Variants in DCTN4 observed in about 807,000 individuals in gnomAD.
DCTN4 encodes the protein dynactin subunit 4.
Under a neutral mutation model 62.7 loss-of-function variants are expected in DCTN4, and 23 were observed. The ratio of observed to expected loss-of-function variants is 0.37; its 90% CI spans 0.26 to 0.52. DCTN4 has a LOEUF of 0.52. Ranked by LOEUF, DCTN4 falls within the 20% of genes least tolerant of loss-of-function variation. The pLI is 0.92. For synonymous variants in DCTN4, 199 were observed against 202.1 expected (o/e 0.98, Z 0.13); for missense variants, 514 against 580.4 (o/e 0.89, Z 1.18).
At position 150,731,111 on chromosome 5, in the gene DCTN4, A is replaced by G. The variant is rs746746438; in HGVS notation, c.657T>C (p.Ala219=). ...EDQKEIKIEP[A]QAVDEVEPLP... is the part of the protein sequence containing the mutation. ...GAGGTTCCACTTCATCCACAGCCTGAGCTGGCTCAATCTTTATCTCTTTCT... is the reference window on the plus strand; with the variant it reads ...GAGGTTCCACTTCATCCACAGCCTGGGCTGGCTCAATCTTTATCTCTTTCT... The change falls in exon 7 of 13, where the codon GCT becomes GCC. Residue 219 remains alanine (A), a synonymous_variant. Coordinates refer to ENST00000447998, the MANE Select transcript of DCTN4 (RefSeq NM_016221.4). 2 of 1,613,460 alleles carry G rather than the reference A, an allele frequency of 1.2e-6. No individual in the cohort carries two copies. Among genetic ancestry groups the G allele is most frequent in the South Asian group, 2.2e-5 (2 of 91,060 alleles).
At chr5:150,731,283 T>G in intron 6 of DCTN4, 127 bp from the exon 7 acceptor site, 1 of 976,612 alleles carries the variant, frequency 1.0e-6, no homozygotes, top group Non-Finnish European at 1.6e-6. Flanking sequence ...CTGTATAGCG[T>G]AGGTCTTTTC....
intron 4 of DCTN4, 112 bp from the exon 5 acceptor site, chr5:150,733,587 G>T: frequency 1.6e-6 from 1 of 642,654 alleles, no homozygotes; most frequent in South Asian, 2.8e-5. Context: ...TTATTAAGAT[G>T]GGCAAGTTTG....
At chr5:150,739,592 A>G (rs1296987326) in intron 4 of DCTN4, among the ~76,000 whole-genome samples, 2 of 152,208 alleles carry the variant, frequency 1.3e-5, no homozygotes, top group East Asian at 3.8e-4. Context: ...TAAAATTCAC[A>G]TGGAACCAAA....
At chr5:150,742,228 T>C in intron 3 of DCTN4, 71 bp from the exon 4 acceptor site, 1 of 1,470,020 alleles carries the variant, frequency 6.8e-7, no homozygotes, top group Non-Finnish European at 9.5e-7. Flanking sequence ...ACAAGTCTTC[T>C]GTAGGCCATA....
At chr5:150,715,781 C>CT (rs1759736895) in intron 11 of DCTN4, 119 bp from the exon 12 acceptor site, 11 of 737,632 alleles carry the variant, frequency 1.5e-5, no homozygotes. Flanking sequence ...ACATATACTA[C>CT]TTCTATGGAG....
chr5:150,711,190 T>C lies in DCTN4; in HGVS notation c.1342A>G (p.Thr448Ala). Residue 448 changes from threonine (T) to alanine (A), a missense_variant, in exon 13 of 13, where the codon ACC becomes GCC. Physicochemically the swap from Thr to Ala is moderately conservative, Grantham distance 58. Coordinates refer to ENST00000447998, the MANE Select transcript of DCTN4 (RefSeq NM_016221.4). ...CCCAAGCTAAGTTCCACATGCTGGG[T>C]GAGCCAGATGACTTCTGTTCCCTGG... ...SDQGTEVIWL[T>A]QHVELSLGPL... The C allele has an allele frequency of 6.2e-7, 1 of 1,612,450 alleles. No individual in the cohort carries two copies. Among genetic ancestry groups the C allele is most frequent in the Non-Finnish European group, 8.5e-7 (1 of 1,180,040 alleles).
intron 9 of DCTN4, among the ~76,000 whole-genome samples, chr5:150,720,565 A>AC (rs1375734851): frequency 2.0e-5 from 3 of 150,798 alleles, no homozygotes; most frequent in Non-Finnish European, 2.9e-5. Context: ...TGAAGCCTCG[A>AC]CCCCCCAGGC....
At chr5:150,754,053 G>C (rs1220634414) in intron 2 of DCTN4, among the ~76,000 whole-genome samples, 4 of 152,214 alleles carry the variant, frequency 2.6e-5, no homozygotes, top group African/African-American at 7.2e-5. Context: ...TGTGAAACTG[G>C]ATTTGGAAAA....
chr5:150,734,215 C>T (rs1463433301), intron 4 of DCTN4: 5 of 152,152 alleles, frequency 3.3e-5, no homozygotes, highest in Admixed American at 1.3e-4. Context: ...ACTGCAGGAA[C>T]ATACTAGGAA....
At chr5:150,727,092 T>C (rs891149419) in intron 8 of DCTN4, among the ~76,000 whole-genome samples, 1 of 151,982 alleles carries the variant, frequency 6.6e-6, no homozygotes, top group Non-Finnish European at 1.5e-5. Context: ...GCGGGGAGGA[T>C]TGGCCTAACT....
At chr5:150,715,193 T>G (rs1158419882) in intron 12 of DCTN4, among the ~76,000 whole-genome samples, 2 of 152,088 alleles carry the variant, frequency 1.3e-5, no homozygotes. Flanking sequence ...CGATGATCAA[T>G]CTCTAGGGAC....
intron 3 of DCTN4, 139 bp downstream of exon 3, chr5:150,753,340 T>C (rs901607249): frequency 2.4e-5 from 16 of 671,982 alleles, no homozygotes; most frequent in Admixed American, 5.7e-5. Flanking sequence ...TGTGAACATA[T>C]GGGAACACAG....
chr5:150,716,914 T>C (rs888831648), intron 11 of DCTN4, among the ~76,000 whole-genome samples: 1 of 139,758 alleles, frequency 7.2e-6, no homozygotes, highest in Admixed American at 7.0e-5. Flanking sequence ...TGAGATTCCG[T>C]CTCAAAAAAA....
intron 8 of DCTN4, among the ~76,000 whole-genome samples, chr5:150,729,610 C>CTTT (rs61580837): frequency 0.011 from 1,536 of 141,692 alleles, 28 homozygotes; most frequent in African/African-American, 0.036. Flanking sequence ...AGAAAAAATA[C>CTTT]TTTTTTTTTT....
intron 3 of DCTN4, among the ~76,000 whole-genome samples, chr5:150,743,635 C>T (rs923589851): frequency 3.3e-5 from 5 of 152,164 alleles, no homozygotes; most frequent in African/African-American, 7.2e-5. Flanking sequence ...GCAGCATTCG[C>T]GATTCACGAA....
chr5:150,720,371 CA>C (rs1407942767), intron 9 of DCTN4, among the ~76,000 whole-genome samples: 1 of 150,632 alleles, frequency 6.6e-6, no homozygotes, highest in Non-Finnish European at 1.5e-5. Flanking sequence ...TCCTGAATCT[CA>C]AAAAAAACAC....
chr5:150,726,935 GCATCATTTTTA>G (rs1760166043), intron 8 of DCTN4, among the ~76,000 whole-genome samples: 1 of 152,140 alleles, frequency 6.6e-6, no homozygotes, highest in South Asian at 2.1e-4. Flanking sequence ...TGACCACAAA[GCATCATTTTTA>G]CATGAAAAGT....
chr5:150,716,270 T>G (rs986414486), intron 11 of DCTN4, among the ~76,000 whole-genome samples: 4 of 152,180 alleles, frequency 2.6e-5, no homozygotes, highest in African/African-American at 9.7e-5. Flanking sequence ...TCATTTTTTT[T>G]TGATACATCT....
Position 150,731,945 on chromosome 5 carries a change from C to T in DCTN4, c.538-456G>A, listed in dbSNP as rs532558292. ...AAATAGCAGCAGGTTGCAACAGAGA[C>T]AAAAAATGCAGCATAAGATAGAAGC... is the stretch of plus-strand genomic sequence containing the variant. On this transcript the variant is annotated intron_variant, in intron 5 of 12. Coordinates refer to ENST00000447998, the MANE Select transcript of DCTN4 (RefSeq NM_016221.4). The T allele has an allele frequency of 2.7e-5, 41 of 1,546,152 alleles. No individual in the cohort carries two copies. In the African/African-American group the frequency reaches 5.1e-4, roughly 19 times the overall value.
Sources: allele counts gnomAD v4.1 joint callset (sites outside exome capture counted in the v4.1 genomes callset), GRCh38; gene constraint gnomAD v4.1.1; transcripts MANE v1.5; gene names NCBI Gene and HGNC (gene_info 2026-07-23, HGNC 2026-07-21).